Variants in TRPS1 observed in about 807,000 individuals in gnomAD.
TRPS1 encodes the protein zinc finger transcription factor Trps1.
Under a neutral mutation model 101.2 loss-of-function variants are expected in TRPS1, and 6 were observed. That is an observed-to-expected ratio of 0.06 (90% CI 0.03 to 0.12). TRPS1 has a LOEUF of 0.12. TRPS1 is among the 10% of genes least tolerant of loss of function. The pLI, the probability that TRPS1 is intolerant of heterozygous loss-of-function variation, is 1.00. For synonymous variants in TRPS1, 578 were observed against 589.8 expected (o/e 0.98, Z 0.29); for missense variants, 1,363 against 1,567.0 (o/e 0.87, Z 2.20).
chr8:115,469,891 G>A (rs985683609), intron 5 of TRPS1, among the ~76,000 whole-genome samples: 16 of 152,084 alleles, frequency 1.1e-4, no homozygotes, highest in African/African-American at 3.9e-4. Flanking sequence ...CTACAGTCCA[G>A]CTTGTTTGAA....
chr8:115,435,634 C>G (rs1813429514), intron 5 of TRPS1, among the ~76,000 whole-genome samples: 1 of 152,108 alleles, frequency 6.6e-6, no homozygotes, highest in African/African-American at 2.4e-5. Context: ...ATGTAACTAA[C>G]AAAGCACTGG....
At chr8:115,517,129 T>C (rs550721189) in intron 5 of TRPS1, among the ~76,000 whole-genome samples, 3 of 151,880 alleles carry the variant, frequency 2.0e-5, no homozygotes, top group Non-Finnish European at 3.0e-5. Flanking sequence ...TCTGCTTTGA[T>C]ATTCCTAACA....
In TRPS1 at chr8:115,413,885, A is replaced by T; in HGVS notation, c.*138T>A. 2 of 842,214 alleles carry T rather than the reference A, an allele frequency of 2.4e-6. No individual in the cohort carries two copies. Among genetic ancestry groups the T allele is most frequent in the Non-Finnish European group, 3.6e-6 (2 of 551,890 alleles). 52.2% of individuals were successfully genotyped at this position (842,214 alleles called of 1,614,324 possible). A position where few individuals can be genotyped will look rare whatever the true frequency, so the allele number is the denominator to read the frequency against. On this transcript the variant is annotated 3_prime_UTR_variant, in exon 7 of 7. Coordinates refer to ENST00000395715, the MANE Select transcript of TRPS1 (RefSeq NM_014112.5). ...AACCTACTCATCAAAAGAAAGAATAACAAAAGAAGGGAATTTCATGTTGGA... is the reference window on the plus strand; with the variant it reads ...AACCTACTCATCAAAAGAAAGAATATCAAAAGAAGGGAATTTCATGTTGGA...
At chr8:115,534,372 G>A (rs1234929374) in intron 5 of TRPS1, among the ~76,000 whole-genome samples, 2 of 150,788 alleles carry the variant, frequency 1.3e-5, no homozygotes, top group Admixed American at 1.3e-4. Flanking sequence ...TCACACTGGA[G>A]ATTGAAGCTC....
chr8:115,637,764 T>G (rs1422700031), intron 1 of TRPS1, among the ~76,000 whole-genome samples: 2 of 152,176 alleles, frequency 1.3e-5, no homozygotes, highest in Non-Finnish European at 2.9e-5. Flanking sequence ...CTTATTGAAG[T>G]TACTCATGTT....
intron 5 of TRPS1, among the ~76,000 whole-genome samples, chr8:115,560,299 C>A (rs542887405): frequency 2.0e-5 from 3 of 151,978 alleles, no homozygotes; most frequent in Non-Finnish European, 4.4e-5. Context: ...AAGGAATCCA[C>A]GAAGAAAAAT....
chr8:115,557,391 C>T (rs562814755), intron 5 of TRPS1, among the ~76,000 whole-genome samples: 26 of 152,202 alleles, frequency 1.7e-4, no homozygotes, highest in African/African-American at 5.8e-4. Flanking sequence ...CCTCTTAATA[C>T]GGTTTGGCTA....
chr8:115,658,545 C>T (rs1252516477), intron 1 of TRPS1, among the ~76,000 whole-genome samples: 3 of 152,100 alleles, frequency 2.0e-5, no homozygotes, highest in Non-Finnish European at 4.4e-5. Flanking sequence ...GGGAAACCTG[C>T]TAATACTACT....
intron 5 of TRPS1, among the ~76,000 whole-genome samples, chr8:115,544,103 C>A (rs1816516947): frequency 6.6e-6 from 1 of 150,596 alleles, no homozygotes; most frequent in South Asian, 2.1e-4. Flanking sequence ...AATTTCAAAC[C>A]TGTGAAGTGG....
intron 5 of TRPS1, among the ~76,000 whole-genome samples, chr8:115,443,324 G>T (rs1813654943): frequency 6.6e-6 from 1 of 152,138 alleles, no homozygotes; most frequent in Admixed American, 6.5e-5. Flanking sequence ...TCTAGGTTTT[G>T]TTGACAGTTA....
chr8:115,556,232 A>T (rs1816817272), intron 5 of TRPS1, among the ~76,000 whole-genome samples: 1 of 152,124 alleles, frequency 6.6e-6, no homozygotes, highest in East Asian at 1.9e-4. Flanking sequence ...ATTGTCTTTT[A>T]AAAACTACAG....
intron 5 of TRPS1, among the ~76,000 whole-genome samples, chr8:115,472,617 A>G (rs1814500280): frequency 6.6e-6 from 1 of 152,152 alleles, no homozygotes; most frequent in African/African-American, 2.4e-5. Flanking sequence ...TTTGTATTGC[A>G]TTGTCAGGCT....
chr8:115,420,651 C>T lies in TRPS1; in HGVS notation c.2701-2199G>A, dbSNP rs556230948. On this transcript the variant is annotated intron_variant, in intron 5 of 6. Coordinates refer to ENST00000395715, the MANE Select transcript of TRPS1 (RefSeq NM_014112.5). ...CCCTTGCACAATTTGGTGCTTAATT[C>T]TCTTGCAAAGAAAATGCCTTTCATT... Among the ~76,000 whole-genome samples the T allele has an allele frequency of 6.6e-5, 10 of 152,288 alleles. No individual in the cohort carries two copies. The East Asian group carries it at 1.7e-3, about 26-fold the overall frequency.
intron 5 of TRPS1, among the ~76,000 whole-genome samples, chr8:115,425,023 T>C (rs1383921071): frequency 6.6e-6 from 1 of 152,138 alleles, no homozygotes; most frequent in Non-Finnish European, 1.5e-5. Context: ...CTATGGAATA[T>C]ACTGAATTCA....
At chr8:115,562,980 T>C (rs1586405923) in intron 5 of TRPS1, among the ~76,000 whole-genome samples, 1 of 150,950 alleles carries the variant, frequency 6.6e-6, no homozygotes, top group Admixed American at 6.7e-5. Flanking sequence ...ACATTAAAGG[T>C]TGCTGATCAC....
rs747282850 is a variant in TRPS1 at position 115,414,876 on chromosome 8, A to T, written c.3032T>A (p.Leu1011His). ...LTESHQREIP[L>H]PSLSKYEAQG... ...GGCTTCGTATTTACTTAGGCTGGGG[A>T]GTGGAATTTCTCTCTGGTGACTTTC... Residue 1011 changes from leucine (L) to histidine (H), a missense_variant, in exon 7 of 7, where the codon CTC (leucine) becomes CAC (histidine). By Grantham distance (99) the Leu-to-His change is moderately conservative. Transcript: ENST00000395715. This position sits in a 1 kb window ranked among gnomAD's most constrained non-coding sequence, Gnocchi z 4.8. 4 of 1,612,580 alleles carry T rather than the reference A, an allele frequency of 2.5e-6. No individual in the cohort carries two copies. Among genetic ancestry groups the T allele is most frequent in the Admixed American group, 1.7e-5 (1 of 59,838 alleles).
chr8:115,615,496 G>C (rs373449885), intron 3 of TRPS1, among the ~76,000 whole-genome samples: 1 of 152,180 alleles, frequency 6.6e-6, no homozygotes, highest in Non-Finnish European at 1.5e-5. Context: ...CTAGCAGGGC[G>C]CGGTGGCTCA....
intron 5 of TRPS1, among the ~76,000 whole-genome samples, chr8:115,496,777 T>C (rs1815159123): frequency 6.6e-6 from 1 of 152,224 alleles, no homozygotes; most frequent in Non-Finnish European, 1.5e-5. Flanking sequence ...ACTAGTAGTC[T>C]ATACCGTGAA....
At chr8:115,423,818 CA>C (rs1396653494) in intron 5 of TRPS1, among the ~76,000 whole-genome samples, 6 of 152,044 alleles carry the variant, frequency 3.9e-5, no homozygotes, top group Non-Finnish European at 8.8e-5. Flanking sequence ...TGACTTAAGA[CA>C]TTTTTTTTTA....
Sources: allele counts gnomAD v4.1 joint callset (sites outside exome capture counted in the v4.1 genomes callset), GRCh38; gene constraint gnomAD v4.1.1; non-coding constraint Gnocchi (gnomAD v3.1); transcripts MANE v1.5; gene names NCBI Gene and HGNC (gene_info 2026-07-23, HGNC 2026-07-21).